The following ADAM2 variants were observed in gnomAD, a reference collection of about 807,000 sequenced individuals.
ADAM2 encodes the protein ADAM metallopeptidase domain 2.
A neutral mutation model predicts 99.3 loss-of-function variants in ADAM2; 101 were observed. The ratio of observed to expected loss-of-function variants is 1.02; its 90% CI spans 0.87 to 1.20. The LOEUF (loss-of-function observed/expected upper bound fraction) is 1.20. ADAM2 is among the 50% of genes most tolerant of loss of function. The pLI is 0.00. For synonymous variants in ADAM2, 323 were observed against 287.6 expected (o/e 1.12, Z -1.25); for missense variants, 948 against 878.7 (o/e 1.08, Z -1.00).
At position 39,769,461 on chromosome 8, in the gene ADAM2, GA is replaced by G; in HGVS notation, c.1142del (p.Phe381SerfsTer99). The G allele has an allele frequency of 6.2e-7, 1 of 1,613,918 alleles. No homozygotes were observed. Among genetic ancestry groups the G allele is most frequent in the Non-Finnish European group, 8.5e-7 (1 of 1,179,834 alleles). On this transcript the variant is annotated frameshift_variant, in exon 12 of 21. Transcript: ENST00000265708. LOFTEE classifies it high-confidence loss of function. Reference protein sequence around the residue: ...LHNQPRLDPFFKQQAVCGNAK... With the variant: ...LHNQPRLDPFXKQQAVCGNAK... Reference sequence around the variant, plus strand: ...CATTACCACACACTGCTTGCTGTTTGAAAAAAGGATCTAAGCGAGGCTGATT... The same window carrying G: ...CATTACCACACACTGCTTGCTGTTTGAAAAAGGATCTAAGCGAGGCTGATT...
chr8:39,833,564 G>C (rs1009370598), intron 3 of ADAM2, among the ~76,000 whole-genome samples: 1 of 152,086 alleles, frequency 6.6e-6, no homozygotes, highest in African/African-American at 2.4e-5. Flanking sequence ...ATGTAAACTA[G>C]TTTAAAATGT....
At chr8:39,809,368 T>C (rs1482677296) in intron 7 of ADAM2, 42 bp downstream of exon 7, 4 of 784,274 alleles carry the variant, frequency 5.1e-6, no homozygotes, top group African/African-American at 1.8e-5. Context: ...CAATCCCTCA[T>C]TGCAAATATT....
At chr8:39,834,347 T>C (rs1005680211) in intron 2 of ADAM2, among the ~76,000 whole-genome samples, 1 of 152,154 alleles carries the variant, frequency 6.6e-6, no homozygotes, top group Non-Finnish European at 1.5e-5. Flanking sequence ...AATAAAGATA[T>C]TTGACTTCCT....
intron 3 of ADAM2, among the ~76,000 whole-genome samples, chr8:39,832,836 ATG>A: frequency 3.8e-5 from 1 of 26,466 alleles, no homozygotes; most frequent in Non-Finnish European, 8.0e-5. Flanking sequence ...ACCACATTAT[ATG>A]TATGTAAGGT....
chr8:39,811,695 G>GT (rs1804703128), intron 6 of ADAM2, among the ~76,000 whole-genome samples: 1 of 152,148 alleles, frequency 6.6e-6, no homozygotes. Context: ...TATCTCAACA[G>GT]ATGCAGAAAA....
At chr8:39,821,277 T>C in intron 5 of ADAM2, 107 bp from the exon 6 acceptor site, 1 of 812,640 alleles carries the variant, frequency 1.2e-6, no homozygotes, top group Non-Finnish European at 1.9e-6. Context: ...ATTTTTAGCC[T>C]GAATCTAAGG....
At chr8:39,824,466 T>A (rs1360113409) in intron 4 of ADAM2, among the ~76,000 whole-genome samples, 3 of 152,154 alleles carry the variant, frequency 2.0e-5, no homozygotes, top group Admixed American at 6.5e-5. Context: ...TCCTTGAACA[T>A]ACTTCAAAGA....
At chr8:39,769,077 C>T (rs1802676573) in intron 12 of ADAM2, among the ~76,000 whole-genome samples, 1 of 152,124 alleles carries the variant, frequency 6.6e-6, no homozygotes, top group African/African-American at 2.4e-5. Context: ...AAAATGTACT[C>T]ATATACTCAA....
chr8:39,809,783 C>G (rs1804615869), intron 6 of ADAM2, among the ~76,000 whole-genome samples: 1 of 152,014 alleles, frequency 6.6e-6, no homozygotes, highest in Non-Finnish European at 1.5e-5. Flanking sequence ...CTGAAGGAAG[C>G]ACTAAACATG....
At chr8:39,824,680 A>G in intron 4 of ADAM2, 139 bp downstream of exon 4, 2 of 643,748 alleles carry the variant, frequency 3.1e-6, no homozygotes, top group Non-Finnish European at 5.5e-6. Flanking sequence ...ACATCAGTAT[A>G]CATCATTAAC....
intron 15 of ADAM2, among the ~76,000 whole-genome samples, chr8:39,760,863 A>G (rs1256380859): frequency 7.2e-6 from 1 of 139,696 alleles, no homozygotes; most frequent in African/African-American, 2.6e-5. Context: ...AGCCTAGGCA[A>G]CAGAGTGAGA....
intron 4 of ADAM2, among the ~76,000 whole-genome samples, chr8:39,821,957 A>T (rs1805205979): frequency 6.6e-6 from 1 of 152,166 alleles, no homozygotes; most frequent in South Asian, 2.1e-4. Context: ...TACTTTTCTG[A>T]CAATGTTGCA....
At chr8:39,823,999 A>G (rs1805297991) in intron 4 of ADAM2, among the ~76,000 whole-genome samples, 1 of 152,100 alleles carries the variant, frequency 6.6e-6, no homozygotes, top group Admixed American at 6.6e-5. Flanking sequence ...ACAAAAGAAC[A>G]GAGGCCAGGA....
At chr8:39,793,378 T>C (rs1210281175) in intron 7 of ADAM2, among the ~76,000 whole-genome samples, 1 of 152,124 alleles carries the variant, frequency 6.6e-6, no homozygotes, top group Non-Finnish European at 1.5e-5. Flanking sequence ...AGTTTAAATG[T>C]AACATTACCA....
chr8:39,837,135 C>T lies in ADAM2; in HGVS notation c.132+1G>A. ...TGTAAATACTGTTAGTGATTCATTACCTGCGATTCAATTCCTTCCTTTATT... is the reference window on the plus strand; with the variant it reads ...TGTAAATACTGTTAGTGATTCATTATCTGCGATTCAATTCCTTCCTTTATT... On this transcript the variant is annotated splice_donor_variant, in intron 2 of 20. Coordinates refer to ENST00000265708, the MANE Select transcript of ADAM2 (RefSeq NM_001464.5). LOFTEE classifies it high-confidence loss of function. 6.3e-7 allele frequency: 1 copy of T among 1,587,142 alleles called. No homozygotes were observed. Among genetic ancestry groups the T allele is most frequent in the African/African-American group, 1.3e-5 (1 of 74,204 alleles).
chr8:39,780,396 A>G (rs1586088954), intron 10 of ADAM2, among the ~76,000 whole-genome samples: 1 of 152,142 alleles, frequency 6.6e-6, no homozygotes, highest in East Asian at 1.9e-4. Context: ...ATGTTAGGAT[A>G]GAATTGTAGG....
At chr8:39,818,742 A>G (rs903763882) in intron 6 of ADAM2, among the ~76,000 whole-genome samples, 4 of 152,074 alleles carry the variant, frequency 2.6e-5, no homozygotes, top group Non-Finnish European at 4.4e-5. Flanking sequence ...ACCAATATGG[A>G]AAATTCACTA....
chr8:39,796,032 A>G (rs1453464870), intron 7 of ADAM2, among the ~76,000 whole-genome samples: 2 of 152,102 alleles, frequency 1.3e-5, no homozygotes, highest in African/African-American at 2.4e-5. Context: ...GAAATAGAGT[A>G]TATACACTCA....
At chr8:39,823,298 C>T (rs373046394) in intron 4 of ADAM2, among the ~76,000 whole-genome samples, 2 of 151,914 alleles carry the variant, frequency 1.3e-5, no homozygotes, top group African/African-American at 4.8e-5. Flanking sequence ...GATAATATGA[C>T]TTTAGGAATG....
Sources: gnomAD v4.1 joint callset for allele counts (sites outside exome capture counted in the v4.1 genomes callset) on GRCh38, gnomAD v4.1.1 for gene constraint, MANE v1.5 for transcripts, NCBI Gene and HGNC (gene_info 2026-07-23, HGNC 2026-07-21) for gene names.